Variants in CCDC3 observed in about 807,000 individuals in gnomAD.
CCDC3 encodes the protein coiled-coil domain containing 3.
Under a neutral mutation model 21.4 loss-of-function variants are expected in CCDC3, and 24 were observed. The observed-to-expected ratio is 1.12, with a 90% CI of 0.81 to 1.58. The LOEUF (loss-of-function observed/expected upper bound fraction) is 1.58. Ranked by LOEUF, CCDC3 falls within the 40% of genes most tolerant of loss-of-function variation. CCDC3 has a pLI of 0.00. For synonymous variants in CCDC3, 186 were observed against 166.0 expected (o/e 1.12, Z -0.93); for missense variants, 425 against 360.9 (o/e 1.18, Z -1.44).
At chr10:12,929,549 A>G (rs184205385) in intron 2 of CCDC3, among the ~76,000 whole-genome samples, 242 of 152,292 alleles carry the variant, frequency 1.6e-3, no homozygotes, top group African/African-American at 5.5e-3. Context: ...GATATGGGTT[A>G]GAGTCCACAG....
At chr10:12,956,834 T>C (rs1287311919) in intron 2 of CCDC3, among the ~76,000 whole-genome samples, 2 of 152,166 alleles carry the variant, frequency 1.3e-5, no homozygotes, top group Non-Finnish European at 2.9e-5. Flanking sequence ...CCTCAGGTCA[T>C]GTCCCTGGAA....
chr10:13,066,092 T>A (rs1564337963), intron 4 of CCDC3, among the ~76,000 whole-genome samples: 1 of 152,070 alleles, frequency 6.6e-6, no homozygotes. Context: ...CTGGGCTCCA[T>A]CCCCAGTTCC....
intron 1 of CCDC3, among the ~76,000 whole-genome samples, chr10:12,998,789 G>A (rs941922764): frequency 1.4e-4 from 22 of 152,164 alleles, no homozygotes; most frequent in Admixed American, 7.2e-4. Flanking sequence ...AGTCCCCCAA[G>A]GGGTCTTCCT....
intron 5 of CCDC3, among the ~76,000 whole-genome samples, chr10:13,038,979 A>C (rs1588400451): frequency 6.6e-6 from 1 of 152,188 alleles, no homozygotes. Context: ...GAACCTAAAC[A>C]GGGGTCCCTG....
intron 2 of CCDC3, among the ~76,000 whole-genome samples, chr10:12,967,798 G>A (rs1204978374): frequency 6.6e-6 from 1 of 152,112 alleles, no homozygotes; most frequent in African/African-American, 2.4e-5. Context: ...CAAATATCCA[G>A]GTAAAAGAAA....
At chr10:12,938,067 C>T (rs1455666240) in intron 2 of CCDC3, among the ~76,000 whole-genome samples, 2 of 152,222 alleles carry the variant, frequency 1.3e-5, no homozygotes, top group Non-Finnish European at 2.9e-5. Context: ...GAATTCTCTC[C>T]ATCTGCCTGC....
chr10:13,042,082 C>A (rs1022424023), intron 5 of CCDC3, among the ~76,000 whole-genome samples: 1 of 152,168 alleles, frequency 6.6e-6, no homozygotes, highest in African/African-American at 2.4e-5. Context: ...AATGAGATGT[C>A]GTGGATGAAA....
At chr10:13,091,144 G>A (rs564516585) in intron 3 of CCDC3, among the ~76,000 whole-genome samples, 2 of 152,272 alleles carry the variant, frequency 1.3e-5, no homozygotes, top group East Asian at 3.9e-4. Flanking sequence ...CCAACTGGAT[G>A]GTGCCCACCC....
intron 2 of CCDC3, among the ~76,000 whole-genome samples, chr10:12,914,285 T>C (rs1424291372): frequency 6.6e-6 from 1 of 152,216 alleles, no homozygotes; most frequent in Non-Finnish European, 1.5e-5. Context: ...ATTTTCTGTT[T>C]ACTCATGACT....
In CCDC3 at chr10:13,001,199, G is replaced by A. The variant is rs780098066; in HGVS notation, c.372C>T (p.Leu124=). ...VVQDYSYFFF[L]RMDENYNLLP... is the part of the protein sequence containing the mutation. ...GGCGGCGGCGCCGCCGGGCTCACCTGAGGAAGAAGAAATAGGAGTAGTCCT... is the reference window on the plus strand; with the variant it reads ...GGCGGCGGCGCCGCCGGGCTCACCTAAGGAAGAAGAAATAGGAGTAGTCCT... The change falls in exon 1 of 3, where the codon CTC becomes CTT. Residue 124 remains leucine, a splice_region_variant and synonymous_variant. Transcript: ENST00000378825. 4.5e-6 allele frequency: 7 copies of A among 1,552,638 alleles called. No individual in the cohort carries two copies. In the African/African-American group the frequency reaches 8.2e-5, roughly 18 times the overall value.
intron 2 of CCDC3, among the ~76,000 whole-genome samples, chr10:12,996,201 G>A (rs2131283972): frequency 6.6e-6 from 1 of 152,098 alleles, no homozygotes; most frequent in South Asian, 2.1e-4. Flanking sequence ...AGAAAAGGAA[G>A]AATAAAAACA....
intron 4 of CCDC3, among the ~76,000 whole-genome samples, chr10:13,068,341 G>A (rs1487959192): frequency 2.6e-5 from 4 of 152,020 alleles, no homozygotes; most frequent in Middle Eastern, 6.8e-3. Flanking sequence ...AATATGTGTC[G>A]TGTATGTGAT....
intron 3 of CCDC3, among the ~76,000 whole-genome samples, chr10:13,082,374 T>C (rs1337279730): frequency 2.0e-5 from 3 of 152,236 alleles, no homozygotes; most frequent in Non-Finnish European, 4.4e-5. Flanking sequence ...TCAGAGACTT[T>C]TAGTACTTTC....
At chr10:13,013,860 A>C (rs575690223) in intron 5 of CCDC3, among the ~76,000 whole-genome samples, 1 of 152,326 alleles carries the variant, frequency 6.6e-6, no homozygotes, top group East Asian at 1.9e-4. Context: ...GAGATGAAAA[A>C]GACATGCATC....
chr10:12,943,228 A>G (rs945574834), intron 2 of CCDC3, among the ~76,000 whole-genome samples: 9 of 152,336 alleles, frequency 5.9e-5, no homozygotes, highest in African/African-American at 2.2e-4. Flanking sequence ...TAATGAAAAT[A>G]GAGTGGTCAG....
At chr10:12,928,561 A>T (rs1399184063) in intron 2 of CCDC3, among the ~76,000 whole-genome samples, 1 of 152,180 alleles carries the variant, frequency 6.6e-6, no homozygotes, top group African/African-American at 2.4e-5. Context: ...CTTCAACAAG[A>T]CAGGTCTGAT....
chr10:13,010,606 A>G (rs1450361475), intron 5 of CCDC3, among the ~76,000 whole-genome samples: 2 of 152,232 alleles, frequency 1.3e-5, no homozygotes, highest in Non-Finnish European at 2.9e-5. Context: ...TTCCACTCCT[A>G]GGGATATACT....
intron 4 of CCDC3, among the ~76,000 whole-genome samples, chr10:13,054,226 G>T (rs893301997): frequency 2.0e-5 from 3 of 150,648 alleles, no homozygotes; most frequent in Non-Finnish European, 2.9e-5. Flanking sequence ...TCTCAGCCCA[G>T]CTATTGCAAA....
At chr10:13,038,637 C>T (rs887296873) in intron 5 of CCDC3, among the ~76,000 whole-genome samples, 3 of 152,214 alleles carry the variant, frequency 2.0e-5, no homozygotes, top group Admixed American at 6.5e-5. Flanking sequence ...GTGCTCCAAG[C>T]CCTGGCTTCT....
Sources: gnomAD v4.1 joint callset for allele counts (sites outside exome capture counted in the v4.1 genomes callset) on GRCh38, gnomAD v4.1.1 for gene constraint, MANE v1.5 for transcripts, NCBI Gene and HGNC (gene_info 2026-07-23, HGNC 2026-07-21) for gene names.